Variants in RYR2 observed in about 807,000 individuals in gnomAD.
RYR2 encodes the protein ryanodine receptor 2.
Under a neutral mutation model 601.1 loss-of-function variants are expected in RYR2, and 227 were observed. The ratio of observed to expected loss-of-function variants is 0.38; its 90% CI spans 0.34 to 0.42. The LOEUF is 0.42. RYR2 is among the 10% of genes least tolerant of loss of function. The pLI, the probability that RYR2 is intolerant of heterozygous loss-of-function variation, is 1.00. For synonymous variants in RYR2, 2,223 were observed against 2,175.1 expected (o/e 1.02, Z -0.61); for missense variants, 4,646 against 6,156.5 (o/e 0.75, Z 8.21).
chr1:237,484,359 G>A (rs565896263), intron 17 of RYR2, among the ~76,000 whole-genome samples: 5 of 152,294 alleles, frequency 3.3e-5, no homozygotes, highest in Non-Finnish European at 5.9e-5. Flanking sequence ...ATGAGAAACA[G>A]TACCATGGGG....
chr1:237,240,314 T>C (rs1484175567), intron 1 of RYR2, among the ~76,000 whole-genome samples: 3 of 152,130 alleles, frequency 2.0e-5, no homozygotes, highest in African/African-American at 7.2e-5. Context: ...GAATATTCCA[T>C]AATCCCTCAA....
chr1:237,686,684 C>T (rs749754233), intron 62 of RYR2, among the ~76,000 whole-genome samples: 5 of 152,188 alleles, frequency 3.3e-5, no homozygotes, highest in Non-Finnish European at 7.4e-5. Context: ...TGGATACCAG[C>T]GTTGTCAGGC....
chr1:237,773,501 TA>T lies in RYR2; in HGVS notation c.11647-18del. 6.5e-7 allele frequency: 1 copy of T among 1,546,530 alleles called. No individual in the cohort carries two copies. Among genetic ancestry groups the T allele is most frequent in the Non-Finnish European group, 8.9e-7 (1 of 1,119,882 alleles). On this transcript the variant is annotated intron_variant, in intron 86 of 104. Transcript: ENST00000366574. The stretch of plus-strand genomic sequence containing the variant: ...TAGAATGTGACTTGATAATAAATAA[TA>T]TCATCTCTATTTCCCAGGAATCAAT...
chr1:237,221,115 A>AAAC (rs890012445), intron 1 of RYR2, among the ~76,000 whole-genome samples: 34 of 152,068 alleles, frequency 2.2e-4, no homozygotes, highest in African/African-American at 4.3e-4. Flanking sequence ...CCCCAAAACA[A>AAAC]AACAACAACA....
At chr1:237,360,961 C>T (rs554456661) in intron 4 of RYR2, among the ~76,000 whole-genome samples, 1 of 152,310 alleles carries the variant, frequency 6.6e-6, no homozygotes. Flanking sequence ...CCACCTCAGC[C>T]TCCTGAGTAG....
intron 58 of RYR2, among the ~76,000 whole-genome samples, chr1:237,670,177 C>T (rs961358764): frequency 3.3e-5 from 5 of 151,450 alleles, no homozygotes; most frequent in Admixed American, 6.6e-5. Context: ...CAATCGCAGG[C>T]ACTCGGCAGG....
chr1:237,828,932 C>T (rs1259906458), intron 102 of RYR2, among the ~76,000 whole-genome samples: 1 of 152,136 alleles, frequency 6.6e-6, no homozygotes, highest in East Asian at 1.9e-4. Flanking sequence ...AACCTCCCAA[C>T]CCCTTCTCCC....
chr1:237,673,403 A>T (rs1034763529), intron 58 of RYR2, among the ~76,000 whole-genome samples: 1 of 152,148 alleles, frequency 6.6e-6, no homozygotes, highest in Non-Finnish European at 1.5e-5. Context: ...TAGTTTTTTT[A>T]AATTTACATA....
At chr1:237,744,173 T>C (rs1691857955) in intron 80 of RYR2, among the ~76,000 whole-genome samples, 1 of 152,166 alleles carries the variant, frequency 6.6e-6, no homozygotes, top group Non-Finnish European at 1.5e-5. Flanking sequence ...ATATTTTGAA[T>C]ACTGGGAACA....
At chr1:237,194,965 A>G (rs1022887046) in intron 1 of RYR2, among the ~76,000 whole-genome samples, 3 of 152,302 alleles carry the variant, frequency 2.0e-5, no homozygotes, top group Middle Eastern at 3.4e-3. Context: ...TGTGTGTACA[A>G]GTGGCTCACA....
chr1:237,417,931 GGAT>G (rs1705175630), intron 11 of RYR2, among the ~76,000 whole-genome samples: 1 of 152,026 alleles, frequency 6.6e-6, no homozygotes, highest in Non-Finnish European at 1.5e-5. Flanking sequence ...TATTGATTTA[GGAT>G]GATAATTGAT....
chr1:237,512,950 C>A (rs2147779499), intron 24 of RYR2, among the ~76,000 whole-genome samples: 1 of 152,286 alleles, frequency 6.6e-6, no homozygotes, highest in East Asian at 1.9e-4. Flanking sequence ...AACGGCAATT[C>A]ACAGGCTGGA....
chr1:237,261,806 C>A (rs970350681), intron 1 of RYR2, among the ~76,000 whole-genome samples: 4 of 152,158 alleles, frequency 2.6e-5, no homozygotes, highest in African/African-American at 9.7e-5. Context: ...GAGGCCCTGG[C>A]AATTCTGTTC....
rs936133197 is a variant in RYR2, at chr1:237,123,683, C to T, written c.48+81114C>T. ...TTTTTTTTTTTTTTTTTTTTTGAGA[C>T]GGAGTCTCGCTCTGTCGCCCAGGCC... is the stretch of plus-strand genomic sequence containing the variant. On this transcript the variant is annotated intron_variant, in intron 1 of 104. Transcript: ENST00000366574. Among the ~76,000 whole-genome samples the T allele has an allele frequency of 6.9e-5, 7 of 102,088 alleles. No homozygotes were observed. The South Asian group carries it at 1.4e-3, about 20-fold the overall frequency. 67.0% of individuals were successfully genotyped at this position (102,088 alleles called of 152,430 possible). A position where few individuals can be genotyped will look rare whatever the true frequency, so the allele number is the denominator to read the frequency against.
intron 2 of RYR2, among the ~76,000 whole-genome samples, chr1:237,314,024 CAAAA>C (rs373360513): frequency 0.17 from 7,292 of 43,812 alleles, 615 homozygotes; most frequent in African/African-American, 0.36. Context: ...AGAAACTCAG[CAAAA>C]AAAAAAAAAA....
At chr1:237,258,484 G>A (rs1473765347) in intron 1 of RYR2, among the ~76,000 whole-genome samples, 2 of 152,242 alleles carry the variant, frequency 1.3e-5, no homozygotes, top group Admixed American at 6.5e-5. Context: ...TCAAGATAAG[G>A]AACTATGGGG....
chr1:237,268,559 A>C (rs1452027113), intron 1 of RYR2, among the ~76,000 whole-genome samples: 1 of 152,118 alleles, frequency 6.6e-6, no homozygotes, highest in Non-Finnish European at 1.5e-5. Flanking sequence ...GTCAGTTAGG[A>C]GGTGGTTGTT....
At chr1:237,536,719 A>AAC (rs1185980139) in intron 25 of RYR2, among the ~76,000 whole-genome samples, 7 of 145,422 alleles carry the variant, frequency 4.8e-5, no homozygotes, top group Non-Finnish European at 9.0e-5. Flanking sequence ...CGTCTCAAAA[A>AAC]AAAAAAAAAA....
chr1:237,604,692 A>G (rs1676905877), intron 35 of RYR2, among the ~76,000 whole-genome samples: 1 of 152,194 alleles, frequency 6.6e-6, no homozygotes, highest in African/African-American at 2.4e-5. Context: ...AATAAAGAAG[A>G]AAAGAGAGAA....
Sources: allele counts gnomAD v4.1 joint callset (sites outside exome capture counted in the v4.1 genomes callset), GRCh38; gene constraint gnomAD v4.1.1; transcripts MANE v1.5; gene names NCBI Gene and HGNC (gene_info 2026-07-23, HGNC 2026-07-21).